Variants in GOLGA4 observed in about 807,000 individuals in gnomAD.
GOLGA4 encodes golgin subfamily A member 4.
A neutral mutation model predicts 265.9 loss-of-function variants in GOLGA4; 169 were observed. The observed-to-expected ratio is 0.64, with a 90% CI of 0.56 to 0.72. GOLGA4 has a LOEUF of 0.72. Among genes scored for constraint, GOLGA4 ranks in the 30% least tolerant of loss-of-function variants. GOLGA4 has a pLI of 0.00. For synonymous variants in GOLGA4, 923 were observed against 855.8 expected, an observed-to-expected ratio of 1.08 and a Z score of -1.37; for missense variants, 2,482 against 2,483.4, an observed-to-expected ratio of 1.00 and a Z score of 0.01.
At chr3:37,275,176 A>T (rs976131736) in intron 2 of GOLGA4, among the ~76,000 whole-genome samples, 1 of 138,010 alleles carries the variant, frequency 7.2e-6, no homozygotes, top group Non-Finnish European at 1.5e-5. Flanking sequence ...AGATCACGCC[A>T]CTGCACTCCA....
intron 2 of GOLGA4, among the ~76,000 whole-genome samples, chr3:37,270,271 T>A (rs538520968): frequency 6.9e-6 from 1 of 143,944 alleles, no homozygotes; most frequent in Non-Finnish European, 1.5e-5. Context: ...AGTGACACCA[T>A]CTTGGCGCAC....
intron 2 of GOLGA4, among the ~76,000 whole-genome samples, chr3:37,273,272 G>A (rs1578438825): frequency 6.6e-6 from 1 of 152,186 alleles, no homozygotes; most frequent in Non-Finnish European, 1.5e-5. Context: ...GAAGAGGTAT[G>A]TGACTAGCTT....
chr3:37,271,091 G>A (rs2096797441), intron 2 of GOLGA4, among the ~76,000 whole-genome samples: 1 of 152,206 alleles, frequency 6.6e-6, no homozygotes, highest in South Asian at 2.1e-4. Context: ...TGATCTGACA[G>A]TAGACAGAGC....
intron 2 of GOLGA4, among the ~76,000 whole-genome samples, chr3:37,272,342 G>A (rs1273816772): frequency 6.6e-6 from 1 of 152,102 alleles, no homozygotes; most frequent in Non-Finnish European, 1.5e-5. Context: ...CCTGAGACCA[G>A]CCTGGGCAAC....
At chr3:37,262,335 A>G (rs1228934252) in intron 2 of GOLGA4, among the ~76,000 whole-genome samples, 1 of 151,802 alleles carries the variant, frequency 6.6e-6, no homozygotes. Flanking sequence ...GCAAAACCCC[A>G]TCTCTACTAA....
At chr3:37,337,063 A>G (rs1559452682) in intron 17 of GOLGA4, 80 bp from the exon 18 acceptor site, 4 of 920,712 alleles carry the variant, frequency 4.3e-6, no homozygotes, top group Non-Finnish European at 6.8e-6. Context: ...CTTTTTCCTT[A>G]TATCTTTATA....
chr3:37,362,476 G>A (rs1334178993), intron 23 of GOLGA4, among the ~76,000 whole-genome samples: 4 of 151,040 alleles, frequency 2.6e-5, no homozygotes, highest in Middle Eastern at 3.2e-3. Flanking sequence ...TCCTGACCTC[G>A]TGATCCGCCC....
chr3:37,257,906 T>TATGTATGTATATATGTATATATACATAC (rs2096753809), intron 2 of GOLGA4, among the ~76,000 whole-genome samples: 2 of 127,368 alleles, frequency 1.6e-5, no homozygotes, highest in East Asian at 2.2e-4. Context: ...TATATATATA[T>TATGTATGTATATATGTATATATACATAC]ATATATATGT....
In GOLGA4 at chr3:37,361,442, G is replaced by T. The variant is rs1578889433; in HGVS notation, c.*33+137G>T. 7.3e-6 allele frequency: 4 copies of T among 549,158 alleles called. No individual in the cohort carries two copies. The East Asian group carries it at 1.2e-4, about 16-fold the overall frequency. 34.0% of individuals were successfully genotyped at this position (549,158 alleles called of 1,614,324 possible). On this transcript the variant is annotated intron_variant, in intron 23 of 23. Coordinates refer to ENST00000361924, the MANE Select transcript of GOLGA4 (RefSeq NM_002078.5). ...CTATGGGTTAATATAAGTATTTTCT[G>T]TTCATTCTGTTATATGGATCGATAA...
intron 1 of GOLGA4, among the ~76,000 whole-genome samples, chr3:37,245,791 G>A (rs554014910): frequency 1.4e-3 from 208 of 151,998 alleles, no homozygotes; most frequent in Admixed American, 0.013. Context: ...CTCCAACTCC[G>A]GACCTCTGGT....
At position 37,321,766 on chromosome 3, in the gene GOLGA4, A is replaced by T. The variant is rs547076581; in HGVS notation, c.1581A>T (p.Gln527His). ...KSQSEYLKIS[Q>H]EKEQQESLAL... ...AATCAGAATATTTGAAGATCAGCCA[A>T]GAAAAAGAACAGCAAGAATCTTTGG... The change falls in exon 13 of 24, where the codon CAA (glutamine) becomes CAT (histidine). Residue 527 changes from glutamine (Q) to histidine (H), a missense_variant. Physicochemically the swap from Gln to His is conservative, Grantham distance 24. Coordinates refer to ENST00000361924, the MANE Select transcript of GOLGA4 (RefSeq NM_002078.5). The T allele has an allele frequency of 1.2e-6, 2 of 1,611,416 alleles. No homozygotes were observed. The highest frequency in any genetic ancestry group is 2.2e-5 in the South Asian group (2 of 90,200).
chr3:37,255,740 T>C (rs2096746691), intron 2 of GOLGA4, among the ~76,000 whole-genome samples: 1 of 117,984 alleles, frequency 8.5e-6, no homozygotes, highest in Non-Finnish European at 1.7e-5. Context: ...CATTTTCTTT[T>C]AAAAAAAAGC....
intron 2 of GOLGA4, among the ~76,000 whole-genome samples, chr3:37,276,892 C>T (rs35077423): frequency 0.052 from 7,836 of 151,418 alleles, 286 homozygotes; most frequent in African/African-American, 0.11. Flanking sequence ...AAGGAAAATA[C>T]ACCTTAACTT....
intron 16 of GOLGA4, among the ~76,000 whole-genome samples, chr3:37,330,697 C>A (rs1473563961): frequency 6.6e-6 from 1 of 152,068 alleles, no homozygotes; most frequent in Non-Finnish European, 1.5e-5. Flanking sequence ...TTTCCAAGTT[C>A]CTTCCTGTGC....
chr3:37,246,740 G>A (rs2096720739), intron 1 of GOLGA4, among the ~76,000 whole-genome samples: 1 of 152,150 alleles, frequency 6.6e-6, no homozygotes, highest in Non-Finnish European at 1.5e-5. Flanking sequence ...GAATTGTACA[G>A]CTACAAATGT....
chr3:37,253,971 G>A (rs922603166), intron 2 of GOLGA4, among the ~76,000 whole-genome samples: 14 of 151,164 alleles, frequency 9.3e-5, no homozygotes, highest in Non-Finnish European at 1.6e-4. Context: ...AGCTGAGATC[G>A]TGCCACTGCA....
intron 2 of GOLGA4, among the ~76,000 whole-genome samples, chr3:37,252,317 C>CTTT (rs34906290): frequency 7.2e-6 from 1 of 138,226 alleles, no homozygotes; most frequent in African/African-American, 2.7e-5. Context: ...TGCTTGCTTC[C>CTTT]TTTTTTTTTT....
chr3:37,348,616 G>C (rs2097063731), intron 21 of GOLGA4, among the ~76,000 whole-genome samples: 1 of 152,106 alleles, frequency 6.6e-6, no homozygotes, highest in South Asian at 2.1e-4. Context: ...CCTTGTTATT[G>C]TATTGGGGGT....
At chr3:37,349,253 C>T (rs2097066107) in intron 21 of GOLGA4, among the ~76,000 whole-genome samples, 1 of 152,134 alleles carries the variant, frequency 6.6e-6, no homozygotes, top group African/African-American at 2.4e-5. Context: ...AAGGCGTTCA[C>T]TGTGCAGTAA....
Sources: allele counts gnomAD v4.1 joint callset (sites outside exome capture counted in the v4.1 genomes callset), GRCh38; gene constraint gnomAD v4.1.1; transcripts MANE v1.5; gene names NCBI Gene and HGNC (gene_info 2026-07-23, HGNC 2026-07-21).